The following CDC14B variants were observed in gnomAD, a reference collection of about 807,000 sequenced individuals.
The protein encoded by CDC14B is cell division cycle 14B.
CDC14B carries 22 observed loss-of-function variants against 64.2 expected under a neutral mutation model. The ratio of observed to expected loss-of-function variants is 0.34; its 90% confidence interval spans 0.24 to 0.49. CDC14B has a LOEUF of 0.49. Ranked by LOEUF, CDC14B falls within the 20% of genes least tolerant of loss-of-function variation. The probability of loss-of-function intolerance (pLI) is 0.99; values close to 1 mark genes in which losing one functional copy is unlikely to be tolerated. For synonymous variants in CDC14B, 191 were observed against 215.8 expected (o/e 0.89, Z 1.01); for missense variants, 498 against 629.9 (o/e 0.79, Z 2.24).
At chr9:96,544,727 G>C (rs1043684145) in intron 5 of CDC14B, among the ~76,000 whole-genome samples, 1 of 152,110 alleles carries the variant, frequency 6.6e-6, no homozygotes, top group Non-Finnish European at 1.5e-5. Context: ...GAACTCCTGA[G>C]CTCAAGCACT....
intron 1 of CDC14B, among the ~76,000 whole-genome samples, chr9:96,607,406 G>A (rs1049534241): frequency 5.1e-5 from 7 of 138,358 alleles, no homozygotes; most frequent in Non-Finnish European, 9.3e-5. Context: ...CAGGTTAAAC[G>A]TGATGTCTTT....
At chr9:96,613,130 G>T (rs1847422476) in intron 1 of CDC14B, among the ~76,000 whole-genome samples, 1 of 152,180 alleles carries the variant, frequency 6.6e-6, no homozygotes, top group South Asian at 2.1e-4. Flanking sequence ...CATCATTGTG[G>T]CCCAATTTTA....
At chr9:96,532,622 T>C (rs1027899976) in intron 9 of CDC14B, among the ~76,000 whole-genome samples, 5 of 152,154 alleles carry the variant, frequency 3.3e-5, no homozygotes, top group Admixed American at 3.3e-4. Context: ...GTCTCAGGGA[T>C]CCCTTAAATT....
At chr9:96,605,858 C>T (rs1287293995) in intron 1 of CDC14B, among the ~76,000 whole-genome samples, 2 of 150,874 alleles carry the variant, frequency 1.3e-5, no homozygotes, top group South Asian at 2.1e-4. Flanking sequence ...CGAAATTTTG[C>T]CTCAAAAAAA....
downstream of CDC14B, among the ~76,000 whole-genome samples, chr9:96,497,246 A>T (rs571555609): frequency 7.0e-4 from 107 of 152,230 alleles, no homozygotes; most frequent in African/African-American, 2.5e-3. Context: ...AGCGTGTCAA[A>T]GCCATGCAGA....
rs912313375 is a variant in CDC14B at position 96,619,826 on chromosome 9, C to G, written c.-448G>C. ...TCGTGGGGACCCCAGGAGGGCTGTT[C>G]CGTGGCGCTTCATTCACAAAAAAGG... On this transcript the variant is annotated 5_prime_UTR_variant, in exon 1 of 14. Transcript: ENST00000375241. 6.6e-6 allele frequency: 1 copy of G among 151,982 alleles called. No individual in the cohort carries two copies. The highest frequency in any genetic ancestry group is 1.5e-5 in the Non-Finnish European group (1 of 67,926). 9.4% of individuals were successfully genotyped at this position (151,982 alleles called of 1,614,324 possible).
Position 96,515,387 on chromosome 9 carries a change from C to T in CDC14B, c.1344-5598G>A, listed in dbSNP as rs938077928. On this transcript the variant is annotated intron_variant, in intron 12 of 13. Transcript: ENST00000375241. This position sits in a 1 kb window ranked among gnomAD's most constrained non-coding sequence, Gnocchi z 4.3. ...AAAACTGTTTCAGTGTCTTTATCAA[C>T]TGCTATTTTGAAATATGTTAAGGAT... Among the ~76,000 whole-genome samples, 2 of 132,190 alleles carry T rather than the reference C, an allele frequency of 1.5e-5. No individual in the cohort carries two copies. Among genetic ancestry groups the T allele is most frequent in the African/African-American group, 2.5e-5 (1 of 40,104 alleles). 86.7% of individuals were successfully genotyped at this position (132,190 alleles called of 152,430 possible).
chr9:96,539,093 TTCA>T lies in CDC14B; in HGVS notation c.609_611del (p.Asp203del). On this transcript the variant is annotated inframe_deletion, in exon 7 of 14. Transcript: ENST00000375241. ...GAAGACTTACTTCATAGTGTTCATA[TTCA>T]TCAAGGTTAAATGAGTTGAAATTAA... 1 of 1,607,902 alleles carries T rather than the reference TTCA, an allele frequency of 6.2e-7. No individual in the cohort carries two copies.
intron 1 of CDC14B, among the ~76,000 whole-genome samples, chr9:96,572,005 T>A (rs1400078613): frequency 6.6e-6 from 1 of 151,940 alleles, no homozygotes; most frequent in Non-Finnish European, 1.5e-5. Flanking sequence ...AGCAATGAAA[T>A]CTCCACTAGA....
intron 1 of CDC14B, among the ~76,000 whole-genome samples, chr9:96,566,000 C>G (rs1016958646): frequency 3.9e-5 from 6 of 152,212 alleles, no homozygotes; most frequent in African/African-American, 1.4e-4. Flanking sequence ...TTAGGGATCA[C>G]TACTTTCTAA....
chr9:96,497,456 G>A (rs1300883893), downstream of CDC14B, among the ~76,000 whole-genome samples: 2 of 152,224 alleles, frequency 1.3e-5, no homozygotes, highest in Admixed American at 6.5e-5. Context: ...GGCAGGCTGC[G>A]CCAACCGCTT....
intron 1 of CDC14B, among the ~76,000 whole-genome samples, chr9:96,581,705 T>C (rs1225994204): frequency 6.6e-6 from 1 of 152,036 alleles, no homozygotes; most frequent in Non-Finnish European, 1.5e-5. Context: ...AGTGAAAATA[T>C]ATTCCTCTGG....
At chr9:96,617,887 C>T (rs1205409111) in intron 1 of CDC14B, among the ~76,000 whole-genome samples, 1 of 152,194 alleles carries the variant, frequency 6.6e-6, no homozygotes, top group Non-Finnish European at 1.5e-5. Flanking sequence ...TAGGCCCACC[C>T]GTTCCCAGCC....
At chr9:96,564,296 C>G (rs978633942) in intron 3 of CDC14B, among the ~76,000 whole-genome samples, 1 of 152,158 alleles carries the variant, frequency 6.6e-6, no homozygotes, top group African/African-American at 2.4e-5. Flanking sequence ...TAGATTCTCA[C>G]GCCCCTTAAT....
intron 5 of CDC14B, among the ~76,000 whole-genome samples, chr9:96,542,777 G>A (rs865970086): frequency 2.0e-5 from 3 of 152,138 alleles, no homozygotes; most frequent in African/African-American, 7.2e-5. Context: ...TAGGGAGGCC[G>A]AGGCAGGTGG....
At chr9:96,496,479 C>A (rs370615607), downstream of CDC14B, 57 of 405,106 alleles carry the variant, frequency 1.4e-4, no homozygotes, top group African/African-American at 1.1e-3. Flanking sequence ...CGCTAACTCT[C>A]AACCGCAAGG....
chr9:96,590,884 C>T (rs1004280376), intron 1 of CDC14B, among the ~76,000 whole-genome samples: 6 of 152,134 alleles, frequency 3.9e-5, no homozygotes, highest in Non-Finnish European at 7.3e-5. Context: ...AGTTTTCATA[C>T]GCTCATTGGT....
At position 96,526,842 on chromosome 9, in the gene CDC14B, A is replaced by C. The variant is rs138971165; in HGVS notation, c.947-3117T>G. Among the ~76,000 whole-genome samples, 737 of 152,078 alleles carry C rather than the reference A, an allele frequency of 4.8e-3. 4 individuals carry two copies. The highest frequency in any genetic ancestry group is 0.017 in the African/African-American group (698 of 41,466). On this transcript the variant is annotated intron_variant, in intron 9 of 13. Coordinates refer to ENST00000375241, the MANE Select transcript of CDC14B (RefSeq NM_033331.4). ...ACCCACCAGATGCCCGTGGTACCCA[A>C]CCCCCAAAAAAGGTCTCTGCAGGTT...
chr9:96,507,971 A>G (rs1294081666), intron 13 of CDC14B, among the ~76,000 whole-genome samples: 1 of 152,128 alleles, frequency 6.6e-6, no homozygotes. Context: ...TTCTATACAT[A>G]TATAGTATAC....
Sources: gnomAD v4.1 joint callset for allele counts (sites outside exome capture counted in the v4.1 genomes callset) on GRCh38, gnomAD v4.1.1 for gene constraint, Gnocchi (gnomAD v3.1) non-coding constraint, MANE v1.5 for transcripts, NCBI Gene and HGNC (gene_info 2026-07-23, HGNC 2026-07-21) for gene names.